SPIDR: variants seen among roughly 807,000 people sequenced by gnomAD.
SPIDR encodes DNA repair-scaffolding protein.
In SPIDR, 93 loss-of-function variants were observed where a neutral mutation model predicts 104.6. That is an observed-to-expected ratio of 0.89 (90% CI 0.75 to 1.06). The LOEUF (loss-of-function observed/expected upper bound fraction) is 1.06, where lower values mean the gene tolerates loss of function less well. Among genes scored for constraint, SPIDR ranks in the 50% least tolerant of loss-of-function variants. The probability of loss-of-function intolerance (pLI) is 0.00; values close to 1 mark genes in which losing one functional copy is unlikely to be tolerated. For missense variants in SPIDR, 1,154 were observed against 1,111.2 expected, an observed-to-expected ratio of 1.04 and a Z score of -0.55; for synonymous variants, 431 against 416.9, an observed-to-expected ratio of 1.03 and a Z score of -0.41.
chr8:47,717,398 G>C (rs543625100), intron 16 of SPIDR, among the ~76,000 whole-genome samples: 6 of 152,180 alleles, frequency 3.9e-5, no homozygotes, highest in Non-Finnish European at 8.8e-5. Context: ...GGCTGCATGG[G>C]ACCCTGTTAT....
chr8:47,517,638 CT>C (rs766862211), intron 8 of SPIDR, among the ~76,000 whole-genome samples: 1 of 152,166 alleles, frequency 6.6e-6, no homozygotes, highest in Non-Finnish European at 1.5e-5. Context: ...AAAAAACATA[CT>C]TTTAACCTAA....
intron 7 of SPIDR, chr8:47,419,348 A>G (rs2064985481): frequency 6.6e-6 from 1 of 152,180 alleles, no homozygotes; most frequent in South Asian, 2.1e-4. Context: ...TAGTCTTGGA[A>G]GGGTGTATGT....
chr8:47,569,446 TAAC>T (rs758584809), intron 8 of SPIDR, among the ~76,000 whole-genome samples: 4 of 152,226 alleles, frequency 2.6e-5, no homozygotes, highest in Admixed American at 6.5e-5. Flanking sequence ...TATTCCCACC[TAAC>T]AACATAATAC....
intron 5 of SPIDR, among the ~76,000 whole-genome samples, chr8:47,372,001 G>T (rs1054076803): frequency 6.6e-6 from 1 of 152,130 alleles, no homozygotes; most frequent in African/African-American, 2.4e-5. Flanking sequence ...CTTTGCAGGA[G>T]CACCCTTCTC....
intron 5 of SPIDR, among the ~76,000 whole-genome samples, chr8:47,344,910 C>G (rs1321359407): frequency 6.6e-6 from 1 of 152,170 alleles, no homozygotes; most frequent in African/African-American, 2.4e-5. Context: ...TTCTCCCATT[C>G]TATAGGTTGC....
At chr8:47,392,410 C>G (rs1237609764) in intron 5 of SPIDR, among the ~76,000 whole-genome samples, 1 of 152,080 alleles carries the variant, frequency 6.6e-6, no homozygotes, top group African/African-American at 2.4e-5. Context: ...TTAGTTTTTC[C>G]TTCAGTTTTT....
In SPIDR at chr8:47,599,006, A is replaced by C; in HGVS notation, c.1354A>C (p.Lys452Gln). The change falls in exon 10 of 20, where the codon AAA (lysine) becomes CAA (glutamine). Residue 452 changes from lysine (K) to glutamine (Q), a missense_variant. Physicochemically the swap from Lys to Gln is moderately conservative, Grantham distance 53. Coordinates refer to ENST00000297423, the MANE Select transcript of SPIDR (RefSeq NM_001080394.4). ...TAWTHGHKEA[K>Q]QRIPTSTPLR... ...CTGGACCCATGGGCACAAAGAAGCA[A>C]AACAGCGCATCCCAACCAGCACTCC... 2 of 1,613,728 alleles carry C rather than the reference A, an allele frequency of 1.2e-6. No homozygotes were observed. Among genetic ancestry groups the C allele is most frequent in the Non-Finnish European group, 1.7e-6 (2 of 1,179,798 alleles).
intron 10 of SPIDR, among the ~76,000 whole-genome samples, chr8:47,626,395 A>C (rs2066112764): frequency 6.6e-6 from 1 of 152,224 alleles, no homozygotes; most frequent in Admixed American, 6.5e-5. Context: ...AATGGGATCT[A>C]ATTAAACTAA....
intron 5 of SPIDR, among the ~76,000 whole-genome samples, chr8:47,300,897 G>A (rs2041962535): frequency 6.6e-6 from 1 of 152,192 alleles, no homozygotes; most frequent in African/African-American, 2.4e-5. Flanking sequence ...TAGGTGTGGT[G>A]TGGTACTGAG....
intron 5 of SPIDR, among the ~76,000 whole-genome samples, chr8:47,345,831 T>C (rs2051863359): frequency 6.6e-6 from 1 of 152,214 alleles, no homozygotes; most frequent in Non-Finnish European, 1.5e-5. Context: ...GAGACTTTGC[T>C]GAAGTTACTT....
intron 10 of SPIDR, among the ~76,000 whole-genome samples, chr8:47,665,882 A>T (rs778194006): frequency 1.3e-5 from 2 of 152,226 alleles, no homozygotes; most frequent in African/African-American, 2.4e-5. Context: ...AATTTTTGAG[A>T]AACACCTATT....
chr8:47,534,272 A>G (rs1017516232), intron 8 of SPIDR, among the ~76,000 whole-genome samples: 4 of 152,232 alleles, frequency 2.6e-5, no homozygotes, highest in Admixed American at 2.6e-4. Context: ...GAACAGACTA[A>G]TACACTTGGT....
In SPIDR at chr8:47,552,418, AG is replaced by A; in HGVS notation, c.1098-43391del. Among the ~76,000 whole-genome samples, 3 of 152,312 alleles carry A rather than the reference AG, an allele frequency of 2.0e-5. No homozygotes were observed. In the East Asian group the frequency reaches 5.8e-4, roughly 29 times the overall value. ...TGTGTGGGAGTCTAAGTCTCTTTAT[AG>A]GTCTCTAAGTACTTCCTTTATGAAT... On this transcript the variant is annotated intron_variant, in intron 8 of 19. Coordinates refer to ENST00000297423, the MANE Select transcript of SPIDR (RefSeq NM_001080394.4).
chr8:47,629,992 C>T (rs1206260221), intron 10 of SPIDR, among the ~76,000 whole-genome samples: 1 of 152,124 alleles, frequency 6.6e-6, no homozygotes, highest in African/African-American at 2.4e-5. Context: ...ATATTTTGAA[C>T]TATATGCAGA....
chr8:47,468,322 A>G (rs1220151657), intron 8 of SPIDR, among the ~76,000 whole-genome samples: 2 of 152,164 alleles, frequency 1.3e-5, no homozygotes, highest in African/African-American at 2.4e-5. Flanking sequence ...CAAACTACCA[A>G]TGACATTTTT....
At chr8:47,476,764 G>A (rs1218503664) in intron 8 of SPIDR, among the ~76,000 whole-genome samples, 3 of 152,208 alleles carry the variant, frequency 2.0e-5, no homozygotes, top group Non-Finnish European at 4.4e-5. Flanking sequence ...TTCACAGAAT[G>A]CACAAATCTG....
At chr8:47,288,567 G>GCCA (rs1433292911) in intron 3 of SPIDR, among the ~76,000 whole-genome samples, 2 of 152,198 alleles carry the variant, frequency 1.3e-5, no homozygotes, top group African/African-American at 4.8e-5. Flanking sequence ...ACAGGCGTGA[G>GCCA]CCACCGCTCC....
chr8:47,261,012 G>A (rs1056814844), intron 1 of SPIDR, 21 bp downstream of exon 1: 2 of 1,227,656 alleles, frequency 1.6e-6, no homozygotes, highest in Non-Finnish European at 2.0e-6. Flanking sequence ...GGGCGGGAGT[G>A]GGCGCCGCGC....
intron 2 of SPIDR, among the ~76,000 whole-genome samples, chr8:47,280,796 C>T (rs1326715742): frequency 6.6e-6 from 1 of 152,230 alleles, no homozygotes; most frequent in Non-Finnish European, 1.5e-5. Flanking sequence ...CCTCCGCCTC[C>T]CAGAGTGCCG....
Sources: gnomAD v4.1 joint callset for allele counts (sites outside exome capture counted in the v4.1 genomes callset) on GRCh38, gnomAD v4.1.1 for gene constraint, MANE v1.5 for transcripts, NCBI Gene and HGNC (gene_info 2026-07-23, HGNC 2026-07-21) for gene names.